Variants in DENND5B observed in about 807,000 individuals in gnomAD.
The protein encoded by DENND5B is DENN domain containing 5B.
Under a neutral mutation model 140.6 loss-of-function variants are expected in DENND5B, and 34 were observed. That is an observed-to-expected ratio of 0.24 (90% confidence interval 0.18 to 0.32). DENND5B has a LOEUF of 0.32. DENND5B is among the 10% of genes least tolerant of loss of function. DENND5B has a pLI of 1.00. For synonymous variants in DENND5B, 551 were observed against 562.1 expected (o/e 0.98, Z 0.28); for missense variants, 1,142 against 1,560.2 (o/e 0.73, Z 4.52).
chr12:31,448,415 G>A (rs529886006), intron 5 of DENND5B, among the ~76,000 whole-genome samples: 4 of 152,278 alleles, frequency 2.6e-5, no homozygotes, highest in African/African-American at 4.8e-5. Flanking sequence ...GATTACAGGC[G>A]TGAGCCACCG....
At chr12:31,464,157 G>A (rs1163933116) in intron 3 of DENND5B, among the ~76,000 whole-genome samples, 1 of 152,086 alleles carries the variant, frequency 6.6e-6, no homozygotes, top group Non-Finnish European at 1.5e-5. Flanking sequence ...ATTTAAGACA[G>A]GCCTCAGCAA....
At chr12:31,506,136 A>G (rs1401896390) in intron 1 of DENND5B, among the ~76,000 whole-genome samples, 2 of 152,188 alleles carry the variant, frequency 1.3e-5, no homozygotes, top group Non-Finnish European at 2.9e-5. Context: ...GCCTAGACTT[A>G]GTTAAGATTT....
intron 2 of DENND5B, among the ~76,000 whole-genome samples, chr12:31,489,086 C>A (rs1157546738): frequency 6.6e-6 from 1 of 152,194 alleles, no homozygotes; most frequent in Non-Finnish European, 1.5e-5. Context: ...TATGCAAATA[C>A]AATCATATAC....
chr12:31,462,493 T>A (rs907855839), intron 3 of DENND5B, among the ~76,000 whole-genome samples: 3 of 152,136 alleles, frequency 2.0e-5, no homozygotes, highest in African/African-American at 7.2e-5. Context: ...TTGGCCCCCG[T>A]ACTGTCTCTC....
intron 15 of DENND5B, 145 bp from the exon 16 acceptor site, chr12:31,399,917 T>TG: frequency 1.7e-6 from 1 of 588,160 alleles, no homozygotes; most frequent in Non-Finnish European, 3.0e-6. Flanking sequence ...GAGAAATATA[T>TG]TCACATATAT....
chr12:31,462,615 A>C (rs1945071950), intron 3 of DENND5B, among the ~76,000 whole-genome samples: 1 of 152,084 alleles, frequency 6.6e-6, no homozygotes, highest in African/African-American at 2.4e-5. Flanking sequence ...GATAACTACT[A>C]AATGTTATGT....
At chr12:31,393,670 A>G (rs1941270889) in intron 17 of DENND5B, among the ~76,000 whole-genome samples, 1 of 152,122 alleles carries the variant, frequency 6.6e-6, no homozygotes, top group Non-Finnish European at 1.5e-5. Context: ...ATACTGCTCA[A>G]GGATTTCTTG....
Position 31,413,499 on chromosome 12 carries a change from G to A in DENND5B, c.2618C>T (p.Ser873Phe). Residue 873 changes from serine to phenylalanine, a missense_variant, in exon 13 of 21, where the codon TCT becomes TTT. Ser to Phe is a radical substitution (Grantham distance 155). This residue lies in a region of DENND5B where 268 missense variants were observed against 349.2 expected (regional missense o/e 0.77). Transcript: ENST00000389082. ...CTGGGACAAGAGCTTCTTTTCTAGA[G>A]ACAGTCTTATCCACGCCCGAGCTCG... The part of the protein sequence containing the change: ...VGRARAWIRL[S>F]LEKKLLSQHL... The A allele has an allele frequency of 6.2e-7, 1 of 1,613,910 alleles. No individual in the cohort carries two copies. Among genetic ancestry groups the A allele is most frequent in the Non-Finnish European group, 8.5e-7 (1 of 1,179,836 alleles).
chr12:31,470,655 A>G (rs905999868), intron 3 of DENND5B, among the ~76,000 whole-genome samples: 1 of 152,230 alleles, frequency 6.6e-6, no homozygotes, highest in Non-Finnish European at 1.5e-5. Context: ...AAGTGAGGAC[A>G]GTCTTGTGAG....
intron 1 of DENND5B, among the ~76,000 whole-genome samples, chr12:31,518,574 T>C (rs1266987646): frequency 2.1e-4 from 13 of 60,800 alleles, no homozygotes; most frequent in Non-Finnish European, 1.2e-4. Flanking sequence ...TATTCAAATA[T>C]ACCTTTTTTT....
intron 1 of DENND5B, among the ~76,000 whole-genome samples, chr12:31,502,502 C>T (rs1947049675): frequency 6.6e-6 from 1 of 152,130 alleles, no homozygotes; most frequent in South Asian, 2.1e-4. Flanking sequence ...ACTGTAACGA[C>T]ACAGGCTATA....
chr12:31,527,649 A>G (rs1259427), intron 1 of DENND5B, among the ~76,000 whole-genome samples: 118,861 of 151,700 alleles, frequency 0.78, 47,024 homozygotes, highest in African/African-American at 0.88. Flanking sequence ...ATGGTGGCCC[A>G]CACCTGTAAT....
chr12:31,403,546 T>C (rs1941933445), intron 14 of DENND5B, among the ~76,000 whole-genome samples: 2 of 148,338 alleles, frequency 1.3e-5, no homozygotes, highest in African/African-American at 2.5e-5. Flanking sequence ...TGAGCTGAGA[T>C]TGCACCACTG....
At chr12:31,511,831 T>C (rs946507651) in intron 1 of DENND5B, among the ~76,000 whole-genome samples, 8 of 152,086 alleles carry the variant, frequency 5.3e-5, no homozygotes, top group Non-Finnish European at 7.4e-5. Context: ...ATTTAAAATA[T>C]TGGTAGCTTT....
chr12:31,406,466 C>CATAT (rs1332346890), intron 14 of DENND5B, among the ~76,000 whole-genome samples: 1 of 152,014 alleles, frequency 6.6e-6, no homozygotes, highest in African/African-American at 2.4e-5. Context: ...GAGAAAAGGC[C>CATAT]ATATATTCAC....
At chr12:31,487,392 G>A (rs765152058) in intron 2 of DENND5B, among the ~76,000 whole-genome samples, 1 of 151,990 alleles carries the variant, frequency 6.6e-6, no homozygotes, top group African/African-American at 2.4e-5. Context: ...TTGCTCTGCT[G>A]ATAGCATGAA....
At chr12:31,453,657 T>C (rs777955200) in intron 4 of DENND5B, among the ~76,000 whole-genome samples, 1 of 152,072 alleles carries the variant, frequency 6.6e-6, no homozygotes, top group Non-Finnish European at 1.5e-5. Flanking sequence ...TCACTATGTG[T>C]TTCTCCCTGG....
At chr12:31,443,582 C>A (rs1373937929) in intron 6 of DENND5B, among the ~76,000 whole-genome samples, 2 of 152,020 alleles carry the variant, frequency 1.3e-5, no homozygotes, top group African/African-American at 4.8e-5. Context: ...AAATATGGTT[C>A]TAAGTACAAC....
At chr12:31,483,309 C>G (rs1324264249) in intron 2 of DENND5B, among the ~76,000 whole-genome samples, 9 of 152,140 alleles carry the variant, frequency 5.9e-5, no homozygotes, top group Non-Finnish European at 1.3e-4. Flanking sequence ...GAGGCCATTA[C>G]AGTCTTTGTC....
Sources: gnomAD v4.1 joint callset for allele counts (sites outside exome capture counted in the v4.1 genomes callset) on GRCh38, gnomAD v4.1.1 for gene constraint, gnomAD v4.1.1 regional missense constraint, MANE v1.5 for transcripts, NCBI Gene and HGNC (gene_info 2026-07-23, HGNC 2026-07-21) for gene names.